The following LIN9 variants were observed in gnomAD, a reference collection of about 807,000 sequenced individuals.
The protein encoded by LIN9 is lin-9 DREAM MuvB core complex component, also known as protein lin-9 homolog.
A neutral mutation model predicts 78.0 loss-of-function variants in LIN9; 18 were observed. The observed-to-expected ratio is 0.23, with a 90% confidence interval of 0.16 to 0.34. The LOEUF (loss-of-function observed/expected upper bound fraction) is 0.34. LIN9 is among the 10% of genes least tolerant of loss of function. The probability of loss-of-function intolerance (pLI) is 1.00; values close to 1 mark genes in which losing one functional copy is unlikely to be tolerated. For missense variants in LIN9, 451 were observed against 644.1 expected, an observed-to-expected ratio of 0.70 and a Z score of 3.25; for synonymous variants, 192 against 215.2, an observed-to-expected ratio of 0.89 and a Z score of 0.94.
At chr1:226,261,381 A>G (rs538775800) in intron 10 of LIN9, among the ~76,000 whole-genome samples, 17 of 152,232 alleles carry the variant, frequency 1.1e-4, no homozygotes, top group South Asian at 4.1e-4. Context: ...CTACGTAGAC[A>G]ATCTGAAAGA....
intron 10 of LIN9, among the ~76,000 whole-genome samples, chr1:226,254,865 C>T (rs1445615191): frequency 1.4e-5 from 2 of 144,282 alleles, no homozygotes; most frequent in African/African-American, 5.2e-5. Flanking sequence ...GAGCTGAGAT[C>T]GTGCCACTAC....
intron 4 of LIN9, among the ~76,000 whole-genome samples, chr1:226,294,567 G>C (rs1377701046): frequency 6.8e-6 from 1 of 147,622 alleles, no homozygotes; most frequent in East Asian, 2.0e-4. Context: ...GCAAAACTCT[G>C]TCTCAAAAAA....
downstream of LIN9, chr1:226,231,151 AAAT>A (rs1254502796): frequency 1.6e-4 from 24 of 152,576 alleles, no homozygotes; most frequent in African/African-American, 3.6e-4. Flanking sequence ...AAAATATAGA[AAAT>A]AATAATTTTC....
intron 12 of LIN9, 46 bp downstream of exon 12, chr1:226,238,925 A>G: frequency 1.3e-6 from 2 of 1,574,586 alleles, no homozygotes; most frequent in Non-Finnish European, 1.7e-6. Context: ...TAAAAGGATT[A>G]AGCTTCAAAT....
chr1:226,239,272 CTTG>C (rs1484468578), intron 11 of LIN9, among the ~76,000 whole-genome samples, 176 bp from the exon 12 acceptor site: 1 of 151,970 alleles, frequency 6.6e-6, no homozygotes, highest in African/African-American at 2.4e-5. Flanking sequence ...GGAGATTGTC[CTTG>C]TTTATTGGAG....
chr1:226,255,760 AAC>A (rs1284015018), intron 10 of LIN9, among the ~76,000 whole-genome samples: 1 of 152,082 alleles, frequency 6.6e-6, no homozygotes, highest in African/African-American at 2.4e-5. Flanking sequence ...TTTCTTCCAC[AAC>A]AGTTATCTCA....
At chr1:226,263,588 A>T (rs1659731418) in intron 10 of LIN9, among the ~76,000 whole-genome samples, 1 of 152,214 alleles carries the variant, frequency 6.6e-6, no homozygotes, top group Non-Finnish European at 1.5e-5. Flanking sequence ...CACACACAAC[A>T]CCTGTTCAAA....
chr1:226,233,744 AAAG>A lies in LIN9; in HGVS notation c.1246-224_1246-222del, dbSNP rs375658592. On this transcript the variant is annotated intron_variant, in intron 12 of 14. Coordinates refer to ENST00000681046, the MANE Select transcript of LIN9 (RefSeq NM_001366245.2). ...AATTTCAAACTTCTAAAAAAAGTTA[AAAG>A]AATAAAACAAAGAACTCTTGATAAC... 3.2e-4 allele frequency among the ~76,000 whole-genome samples: 48 copies of A among 152,350 alleles called. No individual in the cohort carries two copies. The East Asian group carries it at 7.9e-3, about 25-fold the overall frequency.
chr1:226,267,294 T>C (rs1659983491), intron 8 of LIN9, among the ~76,000 whole-genome samples: 1 of 122,412 alleles, frequency 8.2e-6, no homozygotes, highest in South Asian at 2.5e-4. Context: ...TACATATATA[T>C]GTGTGTGTAT....
intron 10 of LIN9, among the ~76,000 whole-genome samples, chr1:226,264,685 A>G (rs1210141335): frequency 3.3e-5 from 5 of 152,002 alleles, no homozygotes; most frequent in Admixed American, 6.6e-5. Flanking sequence ...ATCTCTATTA[A>G]AATTACAAAA....
At chr1:226,290,254 A>C (rs1319551184) in intron 4 of LIN9, among the ~76,000 whole-genome samples, 2 of 152,178 alleles carry the variant, frequency 1.3e-5, no homozygotes, top group Non-Finnish European at 1.5e-5. Flanking sequence ...AAAGGAAAGA[A>C]ATAATTTTTA....
intron 1 of LIN9, among the ~76,000 whole-genome samples, chr1:226,305,315 GAAAAAAAAAA>G (rs111859953): frequency 9.5e-4 from 74 of 77,540 alleles, no homozygotes; most frequent in African/African-American, 3.2e-3. Context: ...ACAAAAAAAA[GAAAAAAAAAA>G]AAAAAAAAAA....
chr1:226,300,365 A>G (rs997969907), intron 2 of LIN9, among the ~76,000 whole-genome samples: 2 of 151,932 alleles, frequency 1.3e-5, no homozygotes, highest in Non-Finnish European at 2.9e-5. Flanking sequence ...AGCCTGGGCA[A>G]CAAAGTGAGG....
At position 226,301,245 on chromosome 1, in the gene LIN9, A is replaced by T. The variant is rs754892349; in HGVS notation, c.32-40T>A. Reference sequence around the variant, plus strand: ...AAAACAAATCAATAATTATTTCATAACCAAAGTGAGAGAAAAAGACCTTGG... The same window carrying T: ...AAAACAAATCAATAATTATTTCATATCCAAAGTGAGAGAAAAAGACCTTGG... On this transcript the variant is annotated intron_variant, in intron 1 of 14. Transcript: ENST00000681046. 1.4e-5 allele frequency: 21 copies of T among 1,525,958 alleles called. No homozygotes were observed. In the South Asian group the frequency reaches 2.4e-4, roughly 17 times the overall value. The allele number at this position is 1,525,958 out of a possible 1,614,324, so 94.5% of individuals were successfully genotyped here.
intron 10 of LIN9, among the ~76,000 whole-genome samples, chr1:226,260,502 C>T (rs1438915163): frequency 6.6e-6 from 1 of 151,552 alleles, no homozygotes; most frequent in African/African-American, 2.4e-5. Flanking sequence ...ATCCCCTGTC[C>T]AAACATGAAA....
intron 12 of LIN9, among the ~76,000 whole-genome samples, chr1:226,237,882 G>A (rs1365512198): frequency 1.3e-5 from 2 of 151,106 alleles, no homozygotes; most frequent in Admixed American, 6.6e-5. Flanking sequence ...GAACCTGGGA[G>A]GCAGAGGTTC....
At chr1:226,307,809 CACATTTG>C (rs1288938536) in intron 1 of LIN9, among the ~76,000 whole-genome samples, 3 of 152,160 alleles carry the variant, frequency 2.0e-5, no homozygotes, top group Non-Finnish European at 4.4e-5. Flanking sequence ...TCACTCTAGC[CACATTTG>C]AAATGTTCCA....
chr1:226,283,998 C>G (rs1488646323), intron 6 of LIN9, among the ~76,000 whole-genome samples: 1 of 151,728 alleles, frequency 6.6e-6, no homozygotes, highest in Non-Finnish European at 1.5e-5. Flanking sequence ...TTAAGTAAAA[C>G]TCTCTTATGT....
Position 226,231,923 on chromosome 1 carries a change from A to G in LIN9, c.*578T>C, listed in dbSNP as rs1022836309. The G allele has an allele frequency of 2.6e-6, 1 of 382,202 alleles. No homozygotes were observed. The highest frequency in any genetic ancestry group is 4.5e-5 in the Admixed American group (1 of 22,376). The allele number at this position is 382,202 out of a possible 1,614,324, so 23.7% of individuals were successfully genotyped here. On this transcript the variant is annotated 3_prime_UTR_variant, in exon 15 of 15. Coordinates refer to ENST00000681046, the MANE Select transcript of LIN9 (RefSeq NM_001366245.2). ...TTATTATAAAATGATCTACAGAACCATGTCACATTGCAAGTATATATAACA... is the reference window on the plus strand; with the variant it reads ...TTATTATAAAATGATCTACAGAACCGTGTCACATTGCAAGTATATATAACA...
Sources: allele counts gnomAD v4.1 joint callset (sites outside exome capture counted in the v4.1 genomes callset), GRCh38; gene constraint gnomAD v4.1.1; transcripts MANE v1.5; gene names NCBI Gene and HGNC (gene_info 2026-07-23, HGNC 2026-07-21).